The following LDB2 variants were observed in gnomAD, a reference collection of about 807,000 sequenced individuals.
LDB2 encodes LIM domain binding 2.
A neutral mutation model predicts 44.3 loss-of-function variants in LDB2; 12 were observed. The ratio of observed to expected loss-of-function variants is 0.27; its 90% CI spans 0.17 to 0.44. The LOEUF (loss-of-function observed/expected upper bound fraction) is 0.44, where lower values mean the gene tolerates loss of function less well. Among genes scored for constraint, LDB2 ranks in the 20% least tolerant of loss-of-function variants. The pLI is 1.00. For synonymous variants in LDB2, 164 were observed against 174.8 expected (o/e 0.94, Z 0.49); for missense variants, 344 against 473.5 (o/e 0.73, Z 2.54).
intron 2 of LDB2, among the ~76,000 whole-genome samples, chr4:16,609,261 G>A (rs1190368935): frequency 6.6e-6 from 1 of 151,278 alleles, no homozygotes; most frequent in East Asian, 2.0e-4. Flanking sequence ...ACGCCACCGG[G>A]GTCTAGTGTC....
At chr4:16,633,743 A>C (rs1732711683) in intron 2 of LDB2, among the ~76,000 whole-genome samples, 1 of 152,230 alleles carries the variant, frequency 6.6e-6, no homozygotes, top group Non-Finnish European at 1.5e-5. Context: ...GACTTTCTTC[A>C]CAGAACTGGA....
At chr4:16,658,464 G>A (rs1199235983) in intron 2 of LDB2, among the ~76,000 whole-genome samples, 2 of 152,094 alleles carry the variant, frequency 1.3e-5, no homozygotes, top group African/African-American at 4.8e-5. Flanking sequence ...TAGACCAGAT[G>A]CAGACATCAG....
intron 1 of LDB2, among the ~76,000 whole-genome samples, chr4:16,854,882 T>A (rs546613505): frequency 6.6e-6 from 1 of 152,078 alleles, no homozygotes. Flanking sequence ...TATTTAAGCT[T>A]TGCCCTATTG....
intron 5 of LDB2, among the ~76,000 whole-genome samples, chr4:16,577,554 A>G (rs573323280): frequency 1.3e-5 from 2 of 152,290 alleles, no homozygotes; most frequent in South Asian, 2.1e-4. Context: ...CAATGTATTG[A>G]CGAAAGAAAT....
intron 2 of LDB2, among the ~76,000 whole-genome samples, chr4:16,650,178 G>A (rs1737873054): frequency 6.6e-6 from 1 of 152,172 alleles, no homozygotes; most frequent in African/African-American, 2.4e-5. Flanking sequence ...GTGACCTTGA[G>A]CAAATTTTCT....
intron 2 of LDB2, among the ~76,000 whole-genome samples, chr4:16,716,945 G>A (rs570125723): frequency 6.6e-6 from 1 of 152,082 alleles, no homozygotes; most frequent in African/African-American, 2.4e-5. Flanking sequence ...TTAAAATGAA[G>A]TTAAACATAA....
intron 5 of LDB2, among the ~76,000 whole-genome samples, chr4:16,556,610 G>A (rs1479708256): frequency 6.6e-6 from 1 of 152,212 alleles, no homozygotes; most frequent in Non-Finnish European, 1.5e-5. Context: ...GAAATTGCCT[G>A]AAGCCACTGG....
At chr4:16,567,552 C>T (rs2152392523) in intron 5 of LDB2, among the ~76,000 whole-genome samples, 1 of 152,258 alleles carries the variant, frequency 6.6e-6, no homozygotes, top group East Asian at 1.9e-4. Flanking sequence ...GGGCGGATCA[C>T]AAGGTCAGGA....
At chr4:16,719,470 T>C (rs1757785804) in intron 2 of LDB2, among the ~76,000 whole-genome samples, 2 of 152,100 alleles carry the variant, frequency 1.3e-5, no homozygotes, top group South Asian at 2.1e-4. Flanking sequence ...AGGCCTTCTG[T>C]AGCATCAAAA....
At chr4:16,532,959 A>C (rs1262691350) in intron 5 of LDB2, among the ~76,000 whole-genome samples, 3 of 152,240 alleles carry the variant, frequency 2.0e-5, no homozygotes, top group Non-Finnish European at 2.9e-5. Flanking sequence ...ACAGACTCCA[A>C]TATCCTGTCT....
chr4:16,805,926 C>T lies in LDB2; in HGVS notation c.133-46666G>A, dbSNP rs113694156. Among the ~76,000 whole-genome samples the T allele has an allele frequency of 6.3e-3, 959 of 152,300 alleles. 6 individuals carry two copies. The highest frequency in any genetic ancestry group is 0.01 in the Non-Finnish European group (701 of 68,034). On this transcript the variant is annotated intron_variant, in intron 1 of 7. Transcript: ENST00000304523. Reference sequence around the variant, plus strand: ...GCACCCTCTCTTCTCTGACTGAAAACCATAGGCTGTCCTGAAGTGTCACAG... The same window carrying T: ...GCACCCTCTCTTCTCTGACTGAAAATCATAGGCTGTCCTGAAGTGTCACAG...
intron 2 of LDB2, among the ~76,000 whole-genome samples, chr4:16,696,255 G>C (rs1294891334): frequency 6.6e-6 from 1 of 152,172 alleles, no homozygotes; most frequent in African/African-American, 2.4e-5. Context: ...GGCTCTATAT[G>C]TGGTGGGCTG....
chr4:16,767,859 A>G (rs1400738212), intron 1 of LDB2, among the ~76,000 whole-genome samples: 1 of 152,200 alleles, frequency 6.6e-6, no homozygotes, highest in African/African-American at 2.4e-5. Flanking sequence ...CCAGCAGCCT[A>G]ATCATATATC....
intron 1 of LDB2, among the ~76,000 whole-genome samples, chr4:16,815,485 G>A (rs1278267984): frequency 6.6e-6 from 1 of 152,202 alleles, no homozygotes; most frequent in Non-Finnish European, 1.5e-5. Context: ...GTTATGTGGT[G>A]TTTATTGAAA....
At position 16,595,691 on chromosome 4, in the gene LDB2, C is replaced by T; in HGVS notation, c.408+12G>A. On this transcript the variant is annotated intron_variant, in intron 3 of 7. Transcript: ENST00000304523. ...AGGAAAAGCCGGGCATGTGACAGAG[C>T]CTGTCCTGTACCTTGGTAAACATGG... is the stretch of plus-strand genomic sequence containing the variant. 2 of 1,610,196 alleles carry T rather than the reference C, an allele frequency of 1.2e-6. No homozygotes were observed. The highest frequency in any genetic ancestry group is 1.7e-6 in the Non-Finnish European group (2 of 1,178,278).
intron 5 of LDB2, among the ~76,000 whole-genome samples, chr4:16,553,871 G>A (rs1738509823): frequency 6.6e-6 from 1 of 151,982 alleles, no homozygotes; most frequent in Non-Finnish European, 1.5e-5. Context: ...TAAGTGATTT[G>A]CCTAAGGTCA....
chr4:16,890,765 A>C (rs191462877), intron 1 of LDB2, among the ~76,000 whole-genome samples: 105 of 152,264 alleles, frequency 6.9e-4, no homozygotes, highest in African/African-American at 2.4e-3. Flanking sequence ...GGGTGGATCA[A>C]ATGAGGAGAT....
At chr4:16,551,540 C>T (rs764077673) in intron 5 of LDB2, among the ~76,000 whole-genome samples, 3 of 151,934 alleles carry the variant, frequency 2.0e-5, no homozygotes, top group African/African-American at 7.3e-5. Flanking sequence ...ATTTTTGAGA[C>T]GGAGTCTCAC....
At chr4:16,620,219 A>G (rs956224403) in intron 2 of LDB2, among the ~76,000 whole-genome samples, 20 of 152,356 alleles carry the variant, frequency 1.3e-4, no homozygotes, top group Admixed American at 1.1e-3. Flanking sequence ...GTGTTCATCC[A>G]TCACAGTTAG....
Sources: allele counts gnomAD v4.1 joint callset (sites outside exome capture counted in the v4.1 genomes callset), GRCh38; gene constraint gnomAD v4.1.1; transcripts MANE v1.5; gene names NCBI Gene and HGNC (gene_info 2026-07-23, HGNC 2026-07-21).